OSBPL10: variants seen among roughly 807,000 people sequenced by gnomAD.
The protein encoded by OSBPL10 is oxysterol binding protein like 10.
OSBPL10 carries 49 observed loss-of-function variants against 81.7 expected under a neutral mutation model. The ratio of observed to expected loss-of-function variants is 0.60; its 90% confidence interval spans 0.48 to 0.76. The LOEUF (loss-of-function observed/expected upper bound fraction) is 0.76, where lower values mean the gene tolerates loss of function less well. Ranked by LOEUF, OSBPL10 falls within the 30% of genes least tolerant of loss-of-function variation. The pLI, the probability that OSBPL10 is intolerant of heterozygous loss-of-function variation, is 0.00. For synonymous variants in OSBPL10, 419 were observed against 383.6 expected (o/e 1.09, Z -1.08); for missense variants, 923 against 987.8 (o/e 0.93, Z 0.88).
chr3:32,000,997 A>G (rs1699139834), intron 2 of OSBPL10, among the ~76,000 whole-genome samples: 1 of 152,188 alleles, frequency 6.6e-6, no homozygotes, highest in Non-Finnish European at 1.5e-5. Flanking sequence ...AGCTGTTAGC[A>G]GCCATGTTCC....
chr3:31,990,446 G>T lies in OSBPL10; in HGVS notation n.298+56045C>A, dbSNP rs745686518. The T allele has an allele frequency of 1.1e-5, 17 of 1,569,520 alleles. No homozygotes were observed. The East Asian group carries it at 1.3e-4, about 12-fold the overall frequency. On this transcript the variant is annotated intron_variant and non_coding_transcript_variant, in intron 2 of 3. Transcript: ENST00000479173. ...CATACTGGAGAGAAACCTTACAAGT[G>T]TAATGAGTGTGGCAAGACCTTCCAT... is the stretch of plus-strand genomic sequence containing the variant.
intron 5 of OSBPL10, among the ~76,000 whole-genome samples, chr3:31,734,055 T>G (rs1697072190): frequency 6.6e-6 from 1 of 151,940 alleles, no homozygotes; most frequent in South Asian, 2.1e-4. Context: ...GAAAGTCAGA[T>G]TCTATCAAAA....
chr3:31,720,201 AT>A (rs1172797644), intron 6 of OSBPL10, among the ~76,000 whole-genome samples: 1 of 134,210 alleles, frequency 7.5e-6, no homozygotes, highest in Non-Finnish European at 1.7e-5. Flanking sequence ...TTTCTACTGT[AT>A]TTTTTAATGC....
intron 1 of OSBPL10, among the ~76,000 whole-genome samples, chr3:31,944,298 G>A (rs1433071656): frequency 6.6e-6 from 1 of 151,978 alleles, no homozygotes; most frequent in Non-Finnish European, 1.5e-5. Context: ...AAAATAAGCA[G>A]CTTTTTTAAA....
intron 4 of OSBPL10, among the ~76,000 whole-genome samples, chr3:31,755,732 GTCCT>G (rs906172856): frequency 6.6e-6 from 1 of 152,142 alleles, no homozygotes; most frequent in African/African-American, 2.4e-5. Flanking sequence ...GCTTTTTCTG[GTCCT>G]TCCATGGTTT....
Position 31,661,316 on chromosome 3 carries a change from C to CATA in OSBPL10, c.*755_*756insTAT, listed in dbSNP as rs1265451118. The CATA allele has an allele frequency of 1.3e-5, 2 of 152,328 alleles. No homozygotes were observed. The highest frequency in any genetic ancestry group is 3.9e-4 in the East Asian group (2 of 5,190). The allele number at this position is 152,328 out of a possible 1,614,324, so 9.4% of individuals were successfully genotyped here. A position where few individuals can be genotyped will look rare whatever the true frequency, so the allele number is the denominator to read the frequency against. ...ACAAAAGAAGTCTCCATATGATTGA[C>CATA]TGGTTTTCTGATGTAAAAGAAGCAA... On this transcript the variant is annotated 3_prime_UTR_variant, in exon 12 of 12. Coordinates refer to ENST00000396556, the MANE Select transcript of OSBPL10 (RefSeq NM_017784.5).
chr3:31,761,274 C>T (rs1698029449), intron 4 of OSBPL10, among the ~76,000 whole-genome samples: 1 of 151,608 alleles, frequency 6.6e-6, no homozygotes, highest in Non-Finnish European at 1.5e-5. Context: ...GAGTTCAAGG[C>T]CAGCCAGGCC....
chr3:31,753,687 C>T (rs1379828406), intron 4 of OSBPL10, among the ~76,000 whole-genome samples: 1 of 152,202 alleles, frequency 6.6e-6, no homozygotes, highest in Non-Finnish European at 1.5e-5. Flanking sequence ...AAACCATCAA[C>T]ACTCTGCCCT....
chr3:32,050,227 A>G (rs772414876), intron 1 of OSBPL10, among the ~76,000 whole-genome samples: 32 of 152,238 alleles, frequency 2.1e-4, no homozygotes, highest in Non-Finnish European at 2.9e-4. Context: ...AAGCCATTGC[A>G]AGCTCAAAAT....
intron 1 of OSBPL10, among the ~76,000 whole-genome samples, chr3:31,912,254 C>T (rs111314631): frequency 0.013 from 1,915 of 151,856 alleles, 60 homozygotes; most frequent in African/African-American, 0.04. Flanking sequence ...ATTAGCTGGG[C>T]GTGGTGGTGG....
At chr3:31,721,142 T>C (rs1192097104) in intron 6 of OSBPL10, among the ~76,000 whole-genome samples, 1 of 152,068 alleles carries the variant, frequency 6.6e-6, no homozygotes, top group African/African-American at 2.4e-5. Context: ...GCTCTGAAGA[T>C]GGAGCAATGG....
chr3:31,803,447 A>G (rs1438905741), intron 4 of OSBPL10, among the ~76,000 whole-genome samples: 1 of 152,166 alleles, frequency 6.6e-6, no homozygotes, highest in Non-Finnish European at 1.5e-5. Flanking sequence ...CTTCAAACCA[A>G]AAGTACCTCA....
At chr3:31,768,443 C>G (rs909991044) in intron 4 of OSBPL10, among the ~76,000 whole-genome samples, 1 of 152,150 alleles carries the variant, frequency 6.6e-6, no homozygotes, top group Non-Finnish European at 1.5e-5. Flanking sequence ...TCCCTTTAGA[C>G]TTATCTGTGT....
Position 31,947,062 on chromosome 3 carries a change from T to C in OSBPL10, c.281+33837A>G, listed in dbSNP as rs146153512. Among the ~76,000 whole-genome samples the C allele has an allele frequency of 6.6e-4, 100 of 152,266 alleles. 2 individuals are homozygous for C. The South Asian group carries it at 0.02, about 31-fold the overall frequency. On this transcript the variant is annotated intron_variant, in intron 1 of 11. Transcript: ENST00000396556. ...AGGGAGCAGACCAGAAAGGCAGCTA[T>C]GCCTCAGTGGCTGGTTAGATACTAG...
chr3:32,061,779 C>G (rs1699754832), intron 1 of OSBPL10, among the ~76,000 whole-genome samples: 1 of 91,118 alleles, frequency 1.1e-5, no homozygotes, highest in African/African-American at 2.8e-5. Context: ...GCTGGGACTA[C>G]AGGCTTGTGC....
chr3:31,836,535 A>AC (rs1206551197), intron 3 of OSBPL10, among the ~76,000 whole-genome samples: 2 of 131,372 alleles, frequency 1.5e-5, no homozygotes, highest in South Asian at 5.9e-4. Flanking sequence ...CAATCATCTA[A>AC]CCCCCCTCCT....
upstream of OSBPL10, among the ~76,000 whole-genome samples, chr3:31,982,458 A>G (rs562278236): frequency 3.9e-5 from 6 of 152,224 alleles, no homozygotes; most frequent in African/African-American, 1.4e-4. Flanking sequence ...CAAGAGTTAA[A>G]AAAAATTACT....
intron 4 of OSBPL10, among the ~76,000 whole-genome samples, chr3:31,812,651 C>T (rs908777850): frequency 8.0e-5 from 12 of 149,258 alleles, no homozygotes; most frequent in Admixed American, 6.7e-4. Flanking sequence ...CTTCTCATCT[C>T]CTGAATGTTA....
intron 1 of OSBPL10, among the ~76,000 whole-genome samples, chr3:31,880,140 T>G (rs1053276754): frequency 6.6e-6 from 1 of 152,218 alleles, no homozygotes; most frequent in African/African-American, 2.4e-5. Flanking sequence ...TGACAGAGAC[T>G]GGCAGAAGCA....
Sources: allele counts gnomAD v4.1 joint callset (sites outside exome capture counted in the v4.1 genomes callset), GRCh38; gene constraint gnomAD v4.1.1; transcripts MANE v1.5; gene names NCBI Gene and HGNC (gene_info 2026-07-23, HGNC 2026-07-21).